The following TOMM20L variants were observed in gnomAD, a reference collection of about 807,000 sequenced individuals.
TOMM20L encodes translocase of outer mitochondrial membrane 20 like.
Under a neutral mutation model 20.4 loss-of-function variants are expected in TOMM20L, and 19 were observed. The ratio of observed to expected loss-of-function variants is 0.93; its 90% CI spans 0.65 to 1.36. The LOEUF (loss-of-function observed/expected upper bound fraction) is 1.36. TOMM20L is among the 40% of genes most tolerant of loss of function. TOMM20L has a pLI of 0.00. For synonymous variants in TOMM20L, 75 were observed against 79.6 expected, an observed-to-expected ratio of 0.94 and a Z score of 0.30; for missense variants, 218 against 203.7, an observed-to-expected ratio of 1.07 and a Z score of -0.43.
chr14:58,402,641 C>T (rs764753415), intron 2 of TOMM20L, 39 bp from the exon 3 acceptor site: 8 of 1,497,266 alleles, frequency 5.3e-6, no homozygotes, highest in Non-Finnish European at 7.4e-6. Flanking sequence ...TATACCTTAC[C>T]TTCATTACTC....
At chr14:58,402,104 G>A (rs1308266727) in intron 2 of TOMM20L, among the ~76,000 whole-genome samples, 1 of 152,140 alleles carries the variant, frequency 6.6e-6, no homozygotes, top group African/African-American at 2.4e-5. Flanking sequence ...TATGCTATAT[G>A]TGGCTGGGTA....
intron 2 of TOMM20L, among the ~76,000 whole-genome samples, chr14:58,398,048 G>A (rs904621906): frequency 1.3e-5 from 2 of 152,152 alleles, no homozygotes; most frequent in African/African-American, 4.8e-5. Context: ...AATCACAGTA[G>A]AGAATAAAAG....
downstream of TOMM20L, chr14:58,409,171 A>G: frequency 1.2e-6 from 2 of 1,611,192 alleles, no homozygotes; most frequent in Admixed American, 1.7e-5. Flanking sequence ...CAGGTGGTCT[A>G]GGAATGAAAA....
At chr14:58,402,653 T>C in intron 2 of TOMM20L, 27 bp from the exon 3 acceptor site, 1 of 1,542,452 alleles carries the variant, frequency 6.5e-7, no homozygotes, top group Non-Finnish European at 9.0e-7. Flanking sequence ...TCATTACTCA[T>C]TGTTGAATAT....
At chr14:58,406,423 T>A (rs2036058154) in intron 3 of TOMM20L, among the ~76,000 whole-genome samples, 1 of 152,220 alleles carries the variant, frequency 6.6e-6, no homozygotes, top group African/African-American at 2.4e-5. Context: ...GTATTTCAAC[T>A]GATAAATGGA....
chr14:58,403,496 A>T (rs896467204), intron 3 of TOMM20L, among the ~76,000 whole-genome samples: 1 of 152,168 alleles, frequency 6.6e-6, no homozygotes, highest in Admixed American at 6.6e-5. Context: ...TAGTGGAGTG[A>T]TGCCTGTCGG....
intron 1 of TOMM20L, 63 bp downstream of exon 1, chr14:58,396,156 A>T: frequency 1.6e-6 from 2 of 1,284,248 alleles, no homozygotes; most frequent in Non-Finnish European, 2.0e-6. Context: ...GCCGGCCGGG[A>T]GGGCCCCCCA....
chr14:58,412,718 T>C (rs1046162389), downstream of TOMM20L, among the ~76,000 whole-genome samples: 1 of 152,050 alleles, frequency 6.6e-6, no homozygotes, highest in Admixed American at 6.6e-5. Flanking sequence ...CTGGCCAACA[T>C]AGTGAAACCC....
intron 3 of TOMM20L, among the ~76,000 whole-genome samples, chr14:58,406,345 T>C (rs964677529): frequency 1.3e-5 from 2 of 152,222 alleles, no homozygotes; most frequent in Non-Finnish European, 2.9e-5. Context: ...ATCCCTATTG[T>C]TCAAGCTTAA....
the TOMM20L span, among the ~76,000 whole-genome samples, chr14:58,414,007 A>AG: frequency 4.3e-5 from 6 of 138,390 alleles, no homozygotes; most frequent in African/African-American, 1.7e-4. Context: ...ATTCCGTCTC[A>AG]GAAAAAAAAA....
intron 2 of TOMM20L, among the ~76,000 whole-genome samples, chr14:58,400,437 A>G (rs866098748): frequency 7.9e-6 from 1 of 127,150 alleles, no homozygotes; most frequent in African/African-American, 2.7e-5. Flanking sequence ...AAAAAAAAAG[A>G]AAAAAAAAAA....
intron 2 of TOMM20L, 56 bp from the exon 3 acceptor site, chr14:58,402,624 G>A: frequency 7.6e-7 from 1 of 1,319,356 alleles, no homozygotes; most frequent in Admixed American, 1.8e-5. Context: ...AATTTGATCA[G>A]TAGCCATATA....
chr14:58,413,175 A>C (rs1331433425), downstream of TOMM20L, among the ~76,000 whole-genome samples: 1 of 152,138 alleles, frequency 6.6e-6, no homozygotes, highest in Non-Finnish European at 1.5e-5. Context: ...CCACATCTCA[A>C]TTTGAATGCT....
At position 58,404,126 on chromosome 14, in the gene TOMM20L, T is replaced by A. The variant is rs2036027571; in HGVS notation, c.262+1365T>A. Among the ~76,000 whole-genome samples the A allele has an allele frequency of 6.9e-4, 4 of 5,816 alleles. 2 individuals are homozygous for A. Among genetic ancestry groups the A allele is most frequent in the Non-Finnish European group, 1.2e-3 (2 of 1,682 alleles). The allele number at this position is 5,816 out of a possible 152,430, so 3.8% of individuals were successfully genotyped here. A position where few individuals can be genotyped will look rare whatever the true frequency, so the allele number is the denominator to read the frequency against. Reference sequence around the variant, plus strand: ...ATATATATATATATATATATTTTTTTTTTTTTTTTTTTTTTTTTTTGGAGA... The same window carrying A: ...ATATATATATATATATATATTTTTTATTTTTTTTTTTTTTTTTTTTGGAGA... On this transcript the variant is annotated intron_variant, in intron 3 of 4. Transcript: ENST00000360945.
chr14:58,414,371 C>A, the TOMM20L span, among the ~76,000 whole-genome samples: 1 of 152,112 alleles, frequency 6.6e-6, no homozygotes. Context: ...TTAACACATA[C>A]AATCAACAGT....
At position 58,401,353 on chromosome 14, in the gene TOMM20L, C is replaced by A. The variant is rs185357975; in HGVS notation, c.181-1327C>A. On this transcript the variant is annotated intron_variant, in intron 2 of 4. Transcript: ENST00000360945. ...TTGGGAGGCCGAGGTGGGCGGATCACAAAGTCAGGAGATCGAGACCATCCT... is the reference window on the plus strand; with the variant it reads ...TTGGGAGGCCGAGGTGGGCGGATCAAAAAGTCAGGAGATCGAGACCATCCT... Among the ~76,000 whole-genome samples the A allele has an allele frequency of 1.7e-3, 256 of 152,148 alleles. 1 individual carries two copies. The highest frequency in any genetic ancestry group is 5.7e-3 in the African/African-American group (236 of 41,506).
chr14:58,397,864 T>A (rs1025096943), intron 2 of TOMM20L, among the ~76,000 whole-genome samples: 1 of 151,574 alleles, frequency 6.6e-6, no homozygotes, highest in Non-Finnish European at 1.5e-5. Flanking sequence ...CAAGCAGGAG[T>A]GTACTTAATG....
downstream of TOMM20L, chr14:58,410,793 A>G: frequency 1.6e-6 from 2 of 1,269,546 alleles, no homozygotes; most frequent in Non-Finnish European, 1.1e-6. Flanking sequence ...GATCCTACTT[A>G]GAGTGTTTAT....
rs377103850 is a variant in TOMM20L at position 58,404,992 on chromosome 14, G to T, written c.262+2231G>T. 7.5e-4 allele frequency among the ~76,000 whole-genome samples: 112 copies of T among 149,770 alleles called. 1 individual carries two copies. In the South Asian group the frequency reaches 0.011, roughly 14 times the overall value. On this transcript the variant is annotated intron_variant, in intron 3 of 4. Coordinates refer to ENST00000360945, the MANE Select transcript of TOMM20L (RefSeq NM_207377.3). ...AATTTTTTTTTTTTTTTTTGAGATG[G>T]AGTTTCACTCTTGTTGCCCAGGCTG...
Sources: gnomAD v4.1 joint callset for allele counts (sites outside exome capture counted in the v4.1 genomes callset) on GRCh38, gnomAD v4.1.1 for gene constraint, MANE v1.5 for transcripts, NCBI Gene and HGNC (gene_info 2026-07-23, HGNC 2026-07-21) for gene names.